The following L2HGDH variants were observed in gnomAD, a reference collection of about 807,000 sequenced individuals.
L2HGDH encodes L-2-hydroxyglutarate dehydrogenase, mitochondrial.
L2HGDH carries 34 observed loss-of-function variants against 51.5 expected under a neutral mutation model. That is an observed-to-expected ratio of 0.66 (90% confidence interval 0.50 to 0.88). The LOEUF is 0.88. Among genes scored for constraint, L2HGDH ranks in the 40% least tolerant of loss-of-function variants. L2HGDH has a pLI of 0.00. For synonymous variants in L2HGDH, 198 were observed against 197.9 expected, an observed-to-expected ratio of 1.00 and a Z score of -0.01; for missense variants, 558 against 571.9, an observed-to-expected ratio of 0.98 and a Z score of 0.25.
intron 1 of L2HGDH, among the ~76,000 whole-genome samples, chr14:50,309,402 A>T (rs910216023): frequency 6.6e-6 from 1 of 152,106 alleles, no homozygotes; most frequent in Non-Finnish European, 1.5e-5. Context: ...ATCTCTACTC[A>T]AAATACAAAA....
At chr14:50,304,267 G>T (rs79207710) in intron 1 of L2HGDH, among the ~76,000 whole-genome samples, 1 of 152,196 alleles carries the variant, frequency 6.6e-6, no homozygotes, top group South Asian at 2.1e-4. Flanking sequence ...CATGCAGTCT[G>T]TGGTTGACCA....
chr14:50,279,415 C>T (rs1890137947), intron 5 of L2HGDH, among the ~76,000 whole-genome samples: 1 of 152,108 alleles, frequency 6.6e-6, no homozygotes, highest in Non-Finnish European at 1.5e-5. Context: ...TTCCAAATGG[C>T]CAGGTCATTT....
chr14:50,269,527 G>C lies in L2HGDH; in HGVS notation c.739-197C>G, dbSNP rs1171338326. On this transcript the variant is annotated intron_variant, in intron 6 of 9. Transcript: ENST00000267436. ...AGAAACTTAGGATAGTGGCATGTAA[G>C]AGGATGTCACCTTAAATTTTGTACT... Among the ~76,000 whole-genome samples, 14 of 152,200 alleles carry C rather than the reference G, an allele frequency of 9.2e-5. 2 individuals are homozygous for C. The highest frequency in any genetic ancestry group is 9.2e-4 in the Admixed American group (14 of 15,278).
rs899196596 is a variant in L2HGDH, at chr14:50,245,942, C to G, written c.*1116G>C. On this transcript the variant is annotated 3_prime_UTR_variant, in exon 10 of 10. Coordinates refer to ENST00000267436, the MANE Select transcript of L2HGDH (RefSeq NM_024884.3). ...TTCGAGACCAGCCTGGCCAACATGG[C>G]AAAACCCCGTCTCTACTAAAAATAC... The G allele has an allele frequency of 2.9e-6, 1 of 350,774 alleles. No homozygotes were observed. Among genetic ancestry groups the G allele is most frequent in the African/African-American group, 2.2e-5 (1 of 44,978 alleles). The allele number at this position is 350,774 out of a possible 1,614,324, so 21.7% of individuals were successfully genotyped here. A position where few individuals can be genotyped will look rare whatever the true frequency, so the allele number is the denominator to read the frequency against.
At chr14:50,295,895 T>A (rs1290388484) in intron 3 of L2HGDH, among the ~76,000 whole-genome samples, 1 of 151,792 alleles carries the variant, frequency 6.6e-6, no homozygotes, top group Non-Finnish European at 1.5e-5. Context: ...CCTGCCACCA[T>A]GCCCAGCTAA....
At chr14:50,293,524 C>T (rs2029875234) in intron 4 of L2HGDH, among the ~76,000 whole-genome samples, 1 of 151,912 alleles carries the variant, frequency 6.6e-6, no homozygotes, top group East Asian at 1.9e-4. Context: ...AAACACTAAC[C>T]ATAAAAAAAC....
intron 3 of L2HGDH, among the ~76,000 whole-genome samples, chr14:50,301,022 C>T (rs1444005966): frequency 6.6e-6 from 1 of 152,110 alleles, no homozygotes; most frequent in African/African-American, 2.4e-5. Context: ...GATAGGGTCT[C>T]ACTATGTTGC....
intron 3 of L2HGDH, among the ~76,000 whole-genome samples, chr14:50,297,432 T>TA (rs954805296): frequency 4.6e-4 from 70 of 152,022 alleles, no homozygotes; most frequent in African/African-American, 1.6e-3. Flanking sequence ...GTCACTGGAT[T>TA]AAAAAAAATC....
chr14:50,273,550 A>AT (rs561689998), intron 6 of L2HGDH, among the ~76,000 whole-genome samples: 264 of 150,572 alleles, frequency 1.8e-3, no homozygotes, highest in East Asian at 1.6e-3. Flanking sequence ...GGTCTCAGCA[A>AT]TTTTTTTTTT....
chr14:50,274,723 G>A (rs1324196917), intron 6 of L2HGDH, among the ~76,000 whole-genome samples: 1 of 152,122 alleles, frequency 6.6e-6, no homozygotes, highest in Non-Finnish European at 1.5e-5. Flanking sequence ...ACAACGTTAA[G>A]TGTCCATTGA....
chr14:50,309,475 T>G (rs2030922249), intron 1 of L2HGDH, among the ~76,000 whole-genome samples: 1 of 151,382 alleles, frequency 6.6e-6, no homozygotes, highest in Non-Finnish European at 1.5e-5. Context: ...GGCAGGAGAA[T>G]CCCTTCAACC....
At chr14:50,263,559 G>A (rs758338898) in intron 9 of L2HGDH, among the ~76,000 whole-genome samples, 11 of 152,266 alleles carry the variant, frequency 7.2e-5, no homozygotes, top group Non-Finnish European at 1.5e-4. Flanking sequence ...AGCAGCTGTT[G>A]CAGAGAAAGC....
At position 50,243,428 on chromosome 14, in the gene L2HGDH, A is replaced by G; in HGVS notation, c.*3630T>C. On this transcript the variant is annotated 3_prime_UTR_variant, in exon 10 of 10. Transcript: ENST00000267436. ...TTATGTTTTACACATAAAAAAATTT[A>G]TTTGCATAAAAGTTTTTATGGAACT... 1.0e-6 allele frequency: 1 copy of G among 957,330 alleles called. No individual in the cohort carries two copies. The highest frequency in any genetic ancestry group is 1.2e-6 in the Non-Finnish European group (1 of 804,566). The allele number at this position is 957,330 out of a possible 1,614,324, so 59.3% of individuals were successfully genotyped here. A position where few individuals can be genotyped will look rare whatever the true frequency, so the allele number is the denominator to read the frequency against.
At chr14:50,251,542 A>G (rs1008370037) in intron 9 of L2HGDH, among the ~76,000 whole-genome samples, 1 of 152,248 alleles carries the variant, frequency 6.6e-6, no homozygotes, top group East Asian at 1.9e-4. Context: ...CCCCAACAGC[A>G]TTTAATCCAG....
intron 4 of L2HGDH, among the ~76,000 whole-genome samples, chr14:50,288,757 C>A (rs1450188870): frequency 6.6e-6 from 1 of 152,148 alleles, no homozygotes; most frequent in Non-Finnish European, 1.5e-5. Flanking sequence ...AGGAAAGTAA[C>A]TTTGAAACAA....
intron 8 of L2HGDH, among the ~76,000 whole-genome samples, chr14:50,267,336 C>G (rs1889402157): frequency 6.6e-6 from 1 of 152,024 alleles, no homozygotes; most frequent in African/African-American, 2.4e-5. Flanking sequence ...GTGCCAGCCA[C>G]CACGCCTAGC....
At chr14:50,269,943 G>A (rs1352201270) in intron 6 of L2HGDH, among the ~76,000 whole-genome samples, 2 of 152,150 alleles carry the variant, frequency 1.3e-5, no homozygotes, top group East Asian at 3.8e-4. Context: ...CGAAGGGCCT[G>A]TAACCCTCTC....
At chr14:50,286,366 A>T (rs1324375915) in intron 4 of L2HGDH, among the ~76,000 whole-genome samples, 1 of 152,118 alleles carries the variant, frequency 6.6e-6, no homozygotes, top group African/African-American at 2.4e-5. Context: ...AAAAAAAAAT[A>T]AAAAGAGTTA....
intron 2 of L2HGDH, among the ~76,000 whole-genome samples, chr14:50,302,373 C>A (rs1227025238): frequency 6.6e-6 from 1 of 152,222 alleles, no homozygotes; most frequent in African/African-American, 2.4e-5. Flanking sequence ...TCAACTACAA[C>A]TTTGGTGCAC....
Sources: gnomAD v4.1 joint callset for allele counts (sites outside exome capture counted in the v4.1 genomes callset) on GRCh38, gnomAD v4.1.1 for gene constraint, MANE v1.5 for transcripts, NCBI Gene and HGNC (gene_info 2026-07-23, HGNC 2026-07-21) for gene names.